Variants in RANBP17 observed in about 807,000 individuals in gnomAD.
The protein encoded by RANBP17 is ran-binding protein 17.
Under a neutral mutation model 141.2 loss-of-function variants are expected in RANBP17, and 158 were observed. The observed-to-expected ratio is 1.12, with a 90% confidence interval of 0.98 to 1.28. The LOEUF is 1.28. RANBP17 is among the 50% of genes most tolerant of loss of function. The pLI is 0.00. For missense variants in RANBP17, 1,438 were observed against 1,290.7 expected (o/e 1.11, Z -1.75); for synonymous variants, 430 against 450.0 (o/e 0.96, Z 0.56).
chr5:171,249,579 A>G (rs1001775786), intron 24 of RANBP17, among the ~76,000 whole-genome samples: 54 of 152,356 alleles, frequency 3.5e-4, no homozygotes, highest in African/African-American at 1.3e-3. Context: ...ATAAATAAAT[A>G]AATAGAAATT....
At chr5:170,911,218 T>G in intron 7 of RANBP17, 84 bp downstream of exon 7, 1 of 1,260,566 alleles carries the variant, frequency 7.9e-7, no homozygotes, top group Non-Finnish European at 1.1e-6. Context: ...TAGTTATCTT[T>G]TTGCCAGGAA....
At chr5:171,092,911 T>C (rs1230181426) in intron 14 of RANBP17, among the ~76,000 whole-genome samples, 2 of 152,198 alleles carry the variant, frequency 1.3e-5, no homozygotes, top group Non-Finnish European at 2.9e-5. Context: ...ATATTTAGTT[T>C]GGTTTGTGTT....
At chr5:170,867,234 T>A (rs981135070) in intron 1 of RANBP17, 2 of 152,180 alleles carry the variant, frequency 1.3e-5, no homozygotes, top group African/African-American at 4.8e-5. Context: ...CAACATGTAT[T>A]TGGGGTCTGT....
chr5:171,139,746 C>T (rs1162337086), intron 14 of RANBP17, among the ~76,000 whole-genome samples: 1 of 152,172 alleles, frequency 6.6e-6, no homozygotes, highest in Non-Finnish European at 1.5e-5. Context: ...TTCTCACCTT[C>T]GCCCACTTTC....
intron 21 of RANBP17, among the ~76,000 whole-genome samples, chr5:171,217,531 G>T (rs1166553443): frequency 6.6e-6 from 1 of 150,522 alleles, no homozygotes; most frequent in South Asian, 2.1e-4. Context: ...CTGTGAATCT[G>T]TCTGGGCTTT....
chr5:171,239,324 G>C (rs750859747), intron 22 of RANBP17, among the ~76,000 whole-genome samples: 1 of 152,272 alleles, frequency 6.6e-6, no homozygotes, highest in Middle Eastern at 3.4e-3. Context: ...CAAGAAGAGG[G>C]AACCTTTACC....
At chr5:170,947,179 A>G (rs78172245) in intron 12 of RANBP17, among the ~76,000 whole-genome samples, 4,602 of 152,262 alleles carry the variant, frequency 0.03, 232 homozygotes, top group African/African-American at 0.1. Flanking sequence ...ATTACCATTC[A>G]TTATTAATAA....
intron 14 of RANBP17, among the ~76,000 whole-genome samples, chr5:171,151,691 A>C (rs1198751271): frequency 1.3e-5 from 2 of 152,200 alleles, no homozygotes; most frequent in Non-Finnish European, 2.9e-5. Flanking sequence ...CATTGAGCTG[A>C]TGGATGGCAT....
At chr5:171,145,522 C>A (rs1757978452) in intron 14 of RANBP17, among the ~76,000 whole-genome samples, 1 of 152,134 alleles carries the variant, frequency 6.6e-6, no homozygotes, top group Non-Finnish European at 1.5e-5. Flanking sequence ...GGTTCCTCTG[C>A]TCCCTGGTCC....
intron 16 of RANBP17, among the ~76,000 whole-genome samples, chr5:171,171,741 C>A (rs1314869915): frequency 2.0e-5 from 3 of 151,878 alleles, no homozygotes; most frequent in Non-Finnish European, 2.9e-5. Context: ...TTGAAAAGAA[C>A]ATCATTTTCA....
rs994991412 is a variant in RANBP17 at position 171,212,573 on chromosome 5, G to A, written c.2232-1058G>A. On this transcript the variant is annotated intron_variant, in intron 20 of 27. Transcript: ENST00000523189. Reference sequence around the variant, plus strand: ...CAAATCTTAAAGGACCTTGAACACCGTGCTACGGAGTTTGAAATTTATTCT... The same window carrying A: ...CAAATCTTAAAGGACCTTGAACACCATGCTACGGAGTTTGAAATTTATTCT... 7.2e-5 allele frequency among the ~76,000 whole-genome samples: 11 copies of A among 152,184 alleles called. No individual in the cohort carries two copies. In the South Asian group the frequency reaches 8.3e-4, roughly 11 times the overall value.
At chr5:171,187,330 A>G (rs1761323276) in intron 18 of RANBP17, among the ~76,000 whole-genome samples, 2 of 152,198 alleles carry the variant, frequency 1.3e-5, no homozygotes, top group South Asian at 4.1e-4. Flanking sequence ...AGTTTGAAAT[A>G]TTAGGAAAAT....
Position 171,205,576 on chromosome 5 carries a change from A to C in RANBP17, c.2195A>C (p.Asn732Thr). The C allele has an allele frequency of 6.2e-7, 1 of 1,614,004 alleles. No homozygotes were observed. Among genetic ancestry groups the C allele is most frequent in the East Asian group, 2.2e-5 (1 of 44,882 alleles). ...RDLRGIAFAL[N>T]TKTSYTMLFD... ...CTTCGAGGGATTGCCTTTGCACTGA[A>C]CACAAAGACCAGCTACACCATGCTG... Residue 732 changes from asparagine to threonine, a missense_variant, in exon 20 of 28, where the codon AAC becomes ACC. Asn to Thr is a moderately conservative substitution (Grantham distance 65, BLOSUM62 0). Coordinates refer to ENST00000523189, the MANE Select transcript of RANBP17 (RefSeq NM_022897.5).
intron 1 of RANBP17, among the ~76,000 whole-genome samples, chr5:170,874,112 A>C (rs536340108): frequency 2.6e-5 from 4 of 152,322 alleles, no homozygotes; most frequent in Admixed American, 2.6e-4. Context: ...CCCAGGAGTC[A>C]TTCGGGAGCA....
intron 14 of RANBP17, among the ~76,000 whole-genome samples, chr5:171,065,570 A>G (rs1357609794): frequency 2.6e-5 from 4 of 151,956 alleles, no homozygotes; most frequent in Non-Finnish European, 1.5e-5. Context: ...TCCATGGCCC[A>G]GGGCTTTGGG....
At chr5:171,206,925 T>C (rs189705858) in intron 20 of RANBP17, 37 of 183,870 alleles carry the variant, frequency 2.0e-4, no homozygotes, top group Non-Finnish European at 3.8e-4. Flanking sequence ...AATTTCAACA[T>C]GGAAAGTCTT....
At chr5:171,037,082 T>C (rs2127627746) in intron 14 of RANBP17, among the ~76,000 whole-genome samples, 1 of 152,264 alleles carries the variant, frequency 6.6e-6, no homozygotes, top group African/African-American at 2.4e-5. Context: ...CCCTTATCTC[T>C]GCAGCTTTGC....
chr5:170,988,950 G>A (rs941397000), intron 14 of RANBP17, among the ~76,000 whole-genome samples: 1 of 151,752 alleles, frequency 6.6e-6, no homozygotes, highest in Non-Finnish European at 1.5e-5. Context: ...CTTCCTTACC[G>A]GAGTCTTGGG....
chr5:171,023,733 C>T (rs555636722), intron 14 of RANBP17, among the ~76,000 whole-genome samples: 14 of 152,266 alleles, frequency 9.2e-5, no homozygotes, highest in African/African-American at 3.4e-4. Flanking sequence ...CAGAACTCTA[C>T]CCTGAAAGAA....
Sources: allele counts gnomAD v4.1 joint callset (sites outside exome capture counted in the v4.1 genomes callset), GRCh38; gene constraint gnomAD v4.1.1; transcripts MANE v1.5; gene names NCBI Gene and HGNC (gene_info 2026-07-23, HGNC 2026-07-21).